CD177: variants seen among roughly 807,000 people sequenced by gnomAD.
CD177 encodes the protein CD177 molecule, also known as CD177 antigen.
CD177 carries 41 observed loss-of-function variants against 38.1 expected under a neutral mutation model. The observed-to-expected ratio is 1.07, with a 90% CI of 0.84 to 1.39. The LOEUF is 1.39. CD177 is among the 40% of genes most tolerant of loss of function. The probability of loss-of-function intolerance (pLI) is 0.00; values close to 1 mark genes in which losing one functional copy is unlikely to be tolerated. For missense variants in CD177, 619 were observed against 523.8 expected (o/e 1.18, Z -1.77); for synonymous variants, 236 against 216.7 (o/e 1.09, Z -0.78).
rs1224251168 is a variant in CD177 at position 43,362,941 on chromosome 19, T to G, written c.*621T>G. On this transcript the variant is annotated 3_prime_UTR_variant, in exon 9 of 9. Coordinates refer to ENST00000618265, the MANE Select transcript of CD177 (RefSeq NM_020406.4). ...CGTTAGAAATGTGTCGTTAGGTGAT[T>G]TTATGACCATAGGAACATTGTAGCG... is the stretch of plus-strand genomic sequence containing the variant. The G allele has an allele frequency of 1.3e-5, 2 of 152,320 alleles. No individual in the cohort carries two copies. Among genetic ancestry groups the G allele is most frequent in the East Asian group, 3.9e-4 (2 of 5,170 alleles). 9.4% of individuals were successfully genotyped at this position (152,320 alleles called of 1,614,324 possible).
downstream of CD177, among the ~76,000 whole-genome samples, chr19:43,363,890 C>A (rs1311314114): frequency 1.3e-5 from 2 of 152,116 alleles, no homozygotes; most frequent in Admixed American, 6.6e-5. Context: ...GAGTTTGAGA[C>A]CAGCCTGGGC....
rs571745049 is a variant in CD177 at position 43,356,055 on chromosome 19, A to G, written c.566A>G (p.Asn189Ser). ...CMPQPVCNLL[N>S]GTQEIGPVGM... ...CCCCAGCCAGTTTGCAACCTGCTCA[A>G]TGGGACACAGGAAATTGGGCCCGTG... is the stretch of plus-strand genomic sequence containing the variant. The change falls in exon 5 of 9, where the codon AAT becomes AGT. Residue 189 changes from asparagine to serine, a missense_variant. Asn to Ser is a conservative substitution (Grantham distance 46). Transcript: ENST00000618265. 3.5e-5 allele frequency: 23 copies of G among 663,136 alleles called. No individual in the cohort carries two copies. The highest frequency in any genetic ancestry group is 9.4e-5 in the Admixed American group (4 of 42,628). The allele number at this position is 663,136 out of a possible 1,614,324, so 41.1% of individuals were successfully genotyped here. A position where few individuals can be genotyped will look rare whatever the true frequency, so the allele number is the denominator to read the frequency against.
At chr19:43,354,079 G>T (rs771159259) in intron 2 of CD177, 86 bp downstream of exon 2, 14 of 1,572,102 alleles carry the variant, frequency 8.9e-6, no homozygotes, top group South Asian at 1.2e-5. Flanking sequence ...CACCCCTCCG[G>T]GGGATCGACT....
chr19:43,354,009 C>T lies in CD177; in HGVS notation c.193+16C>T. 10 of 1,611,106 alleles carry T rather than the reference C, an allele frequency of 6.2e-6. No homozygotes were observed. Among genetic ancestry groups the T allele is most frequent in the South Asian group, 2.2e-5 (2 of 90,716 alleles). ...ATTGAGAGCGGTGAGAAGGCCCTGGCGTGCAGAGACCCCGCCCTGTCCCCT... is the reference window on the plus strand; with the variant it reads ...ATTGAGAGCGGTGAGAAGGCCCTGGTGTGCAGAGACCCCGCCCTGTCCCCT... On this transcript the variant is annotated intron_variant, in intron 2 of 8. Coordinates refer to ENST00000618265, the MANE Select transcript of CD177 (RefSeq NM_020406.4).
In CD177 at chr19:43,353,863, G is replaced by A. The variant is rs1399493113; in HGVS notation, c.63G>A (p.Ala21=). 3 of 1,613,874 alleles carry A rather than the reference G, an allele frequency of 1.9e-6. No individual in the cohort carries two copies. Among genetic ancestry groups the A allele is most frequent in the Admixed American group, 1.7e-5 (1 of 60,012 alleles). ...GFILPLPGVQ[A]LLCQFGTVQH... is the part of the protein sequence containing the mutation. Reference sequence around the variant, plus strand: ...CTCTTGCCACTCCAGGAGTGCAGGCGCTGCTCTGCCAGTTTGGGACAGTTC... The same window carrying A: ...CTCTTGCCACTCCAGGAGTGCAGGCACTGCTCTGCCAGTTTGGGACAGTTC... The change falls in exon 2 of 9, where the codon GCG becomes GCA. Residue 21 remains alanine, a synonymous_variant. Transcript: ENST00000618265.
Position 43,361,639 on chromosome 19 carries a change from T to A in CD177, c.1081+60T>A, listed in dbSNP as rs563414283. 71 of 1,511,110 alleles carry A rather than the reference T, an allele frequency of 4.7e-5. No individual in the cohort carries two copies. The African/African-American group carries it at 9.5e-4, about 20-fold the overall frequency. The allele number at this position is 1,511,110 out of a possible 1,614,324, so 93.6% of individuals were successfully genotyped here. A position where few individuals can be genotyped will look rare whatever the true frequency, so the allele number is the denominator to read the frequency against. On this transcript the variant is annotated intron_variant, in intron 8 of 8. Coordinates refer to ENST00000618265, the MANE Select transcript of CD177 (RefSeq NM_020406.4). ...CACTGGTGGCCTGGACTCCTGGGTC[T>A]GAGGGAGGAGGGGCTGGGGGCCTGG... is the stretch of plus-strand genomic sequence containing the variant.
chr19:43,360,195 A>G, intron 5 of CD177, 70 bp from the exon 6 acceptor site: 1 of 1,552,672 alleles, frequency 6.4e-7, no homozygotes, highest in South Asian at 1.2e-5. Flanking sequence ...CACCTTCCCT[A>G]GCCCAGGACG....
In CD177 at chr19:43,361,160, G is replaced by GT. The variant is rs1212677535; in HGVS notation, c.779dup (p.Thr262AspfsTer40). The GT allele has an allele frequency of 2.6e-6, 4 of 1,534,108 alleles. 1 individual carries two copies. The highest frequency in any genetic ancestry group is 1.7e-5 in the Admixed American group (1 of 59,340). On this transcript the variant is annotated frameshift_variant, in exon 7 of 9. Transcript: ENST00000618265. LOFTEE classifies it high-confidence loss of function. Reference sequence around the variant, plus strand: ...ACCCTCAGGACTCACATCAACCCTGGTGGGGACAAAAGGCTGCAGCACTGT... The same window carrying GT: ...ACCCTCAGGACTCACATCAACCCTGGTTGGGGACAAAAGGCTGCAGCACTGT...
Position 43,362,911 on chromosome 19 carries a change from CGTGTCGTTAGAAAT to C in CD177, c.*602_*615del, listed in dbSNP as rs1415155909. 1 of 152,188 alleles carries C rather than the reference CGTGTCGTTAGAAAT, an allele frequency of 6.6e-6. No individual in the cohort carries two copies. The highest frequency in any genetic ancestry group is 1.9e-4 in the East Asian group (1 of 5,188). 9.4% of individuals were successfully genotyped at this position (152,188 alleles called of 1,614,324 possible). A position where few individuals can be genotyped will look rare whatever the true frequency, so the allele number is the denominator to read the frequency against. Reference sequence around the variant, plus strand: ...GTCATGCATTGCTTAACGACAGGGACGTGTCGTTAGAAATGTGTCGTTAGGTGATTTTATGACCA... The same window carrying C: ...GTCATGCATTGCTTAACGACAGGGACGTGTCGTTAGGTGATTTTATGACCA... On this transcript the variant is annotated 3_prime_UTR_variant, in exon 9 of 9. Coordinates refer to ENST00000618265, the MANE Select transcript of CD177 (RefSeq NM_020406.4).
chr19:43,365,712 C>G (rs569128991), downstream of CD177, among the ~76,000 whole-genome samples: 4 of 147,512 alleles, frequency 2.7e-5, no homozygotes, highest in African/African-American at 1.0e-4. Context: ...TTCTGCTGGG[C>G]GCCAGCTCAC....
rs181167809 is a variant in CD177, at chr19:43,362,503, C to T, written c.*183C>T. On this transcript the variant is annotated 3_prime_UTR_variant, in exon 9 of 9. Coordinates refer to ENST00000618265, the MANE Select transcript of CD177 (RefSeq NM_020406.4). Reference sequence around the variant, plus strand: ...AACACTGGGGAGAGCCTGGAGCATCCGGACTTGCCCTATGGGAGAGGGGAC... The same window carrying T: ...AACACTGGGGAGAGCCTGGAGCATCTGGACTTGCCCTATGGGAGAGGGGAC... 284 of 501,066 alleles carry T rather than the reference C, an allele frequency of 5.7e-4. No homozygotes were observed. The highest frequency in any genetic ancestry group is 7.7e-4 in the Non-Finnish European group (217 of 282,634). The allele number at this position is 501,066 out of a possible 1,614,324, so 31.0% of individuals were successfully genotyped here.
At chr19:43,355,469 C>CTG (rs1599876428) in intron 3 of CD177, 192 bp from the exon 4 acceptor site, 9 of 641,024 alleles carry the variant, frequency 1.4e-5, no homozygotes, top group African/African-American at 5.5e-5. Flanking sequence ...TGTTCATTCT[C>CTG]CCTTCCTCTT....
downstream of CD177, among the ~76,000 whole-genome samples, chr19:43,364,328 C>T (rs1413242381): frequency 6.6e-6 from 1 of 152,220 alleles, no homozygotes; most frequent in African/African-American, 2.4e-5. Flanking sequence ...CATTGTCTTC[C>T]CACTTCCAAA....
Position 43,360,313 on chromosome 19 carries a change from T to C in CD177, c.668T>C (p.Leu223Ser), listed in dbSNP as rs1969943729. The change falls in exon 6 of 9, where the codon TTG becomes TCG. Residue 223 changes from leucine to serine, a missense_variant. Coordinates refer to ENST00000618265, the MANE Select transcript of CD177 (RefSeq NM_020406.4). ...ACCACCATTATGACACACGGAAACT[T>C]GGCTCAAGAACCCACTGATTGGACC... ...RGTTIMTHGN[L>S]AQEPTDWTTS... 1 of 1,613,096 alleles carries C rather than the reference T, an allele frequency of 6.2e-7. No homozygotes were observed. Among genetic ancestry groups the C allele is most frequent in the Non-Finnish European group, 8.5e-7 (1 of 1,179,646 alleles).
In CD177 at chr19:43,354,403, G is replaced by C; in HGVS notation, c.379+11G>C. On this transcript the variant is annotated intron_variant, in intron 3 of 8. Coordinates refer to ENST00000618265, the MANE Select transcript of CD177 (RefSeq NM_020406.4). ...CACAGCCCCCAGCAGGTGCCTGCGG[G>C]AGGGTCGGGAGGAGAGGGAGGGGCT... is the stretch of plus-strand genomic sequence containing the variant. The C allele has an allele frequency of 6.2e-7, 1 of 1,613,512 alleles. No homozygotes were observed. The highest frequency in any genetic ancestry group is 8.5e-7 in the Non-Finnish European group (1 of 1,179,730).
At position 43,355,162 on chromosome 19, in the gene CD177, G is replaced by A. The variant is rs539117441; in HGVS notation, c.380-499G>A. On this transcript the variant is annotated intron_variant, in intron 3 of 8. Transcript: ENST00000618265. ...AGCGTCTCGCTGTGTCGACCAGGCT[G>A]GAGTGCAGTGGCGCAATCTCGGCTC... Among the ~76,000 whole-genome samples the A allele has an allele frequency of 2.5e-3, 340 of 135,874 alleles. 2 individuals are homozygous for A. The highest frequency in any genetic ancestry group is 3.6e-3 in the Non-Finnish European group (232 of 64,846). 89.1% of individuals were successfully genotyped at this position (135,874 alleles called of 152,430 possible). A position where few individuals can be genotyped will look rare whatever the true frequency, so the allele number is the denominator to read the frequency against.
In CD177 at chr19:43,355,655, T is replaced by A. The variant is rs62113736; in HGVS notation, c.380-6T>A. On this transcript the variant is annotated splice_region_variant and splice_polypyrimidine_tract_variant and intron_variant, in intron 3 of 8. Coordinates refer to ENST00000618265, the MANE Select transcript of CD177 (RefSeq NM_020406.4). The stretch of plus-strand genomic sequence containing the variant: ...TGCCCCCTCACTCTGTCTGTCACTT[T>A]CCTAGACCCAGGATCCTTGAGGTGC... 1.3e-6 allele frequency: 2 copies of A among 1,595,178 alleles called. No individual in the cohort carries two copies. Among genetic ancestry groups the A allele is most frequent in the Non-Finnish European group, 1.7e-6 (2 of 1,166,722 alleles).
At position 43,362,389 on chromosome 19, in the gene CD177, C is replaced by T. The variant is rs946220324; in HGVS notation, c.*69C>T. On this transcript the variant is annotated 3_prime_UTR_variant, in exon 9 of 9. Transcript: ENST00000618265. ...CTCAACCTCCCTCTGACCTCATAACCTAATGGCCTTGGACACCAGATTCTT... is the reference window on the plus strand; with the variant it reads ...CTCAACCTCCCTCTGACCTCATAACTTAATGGCCTTGGACACCAGATTCTT... 20 of 677,136 alleles carry T rather than the reference C, an allele frequency of 3.0e-5. No homozygotes were observed. The highest frequency in any genetic ancestry group is 2.2e-4 in the Admixed American group (8 of 35,926). The allele number at this position is 677,136 out of a possible 1,614,324, so 41.9% of individuals were successfully genotyped here.
chr19:43,363,233 G>A (rs573837846), downstream of CD177: 4 of 152,322 alleles, frequency 2.6e-5, no homozygotes, highest in South Asian at 2.1e-4. Context: ...TCTGCGTATC[G>A]TGGGATAATT....
Sources: allele counts gnomAD v4.1 joint callset (sites outside exome capture counted in the v4.1 genomes callset), GRCh38; gene constraint gnomAD v4.1.1; transcripts MANE v1.5; gene names NCBI Gene and HGNC (gene_info 2026-07-23, HGNC 2026-07-21).